CEP128: variants seen among roughly 807,000 people sequenced by gnomAD.
CEP128 encodes the protein centrosomal protein 128, also known as centrosomal protein 128kDa.
A neutral mutation model predicts 156.7 loss-of-function variants in CEP128; 132 were observed. The observed-to-expected ratio is 0.84, with a 90% CI of 0.73 to 0.97. The LOEUF (loss-of-function observed/expected upper bound fraction) is 0.97. CEP128 is among the 50% of genes least tolerant of loss of function. The pLI, the probability that CEP128 is intolerant of heterozygous loss-of-function variation, is 0.00. For synonymous variants in CEP128, 469 were observed against 448.9 expected, an observed-to-expected ratio of 1.04 and a Z score of -0.57; for missense variants, 1,252 against 1,281.9, an observed-to-expected ratio of 0.98 and a Z score of 0.36.
In CEP128 at chr14:80,952,257, T is replaced by C. The variant is rs193145383; in HGVS notation, c.-172+5921A>G. Among the ~76,000 whole-genome samples the C allele has an allele frequency of 1.5e-3, 230 of 152,200 alleles. 2 individuals carry two copies. Among genetic ancestry groups the C allele is most frequent in the Admixed American group, 5.1e-3 (78 of 15,300 alleles). On this transcript the variant is annotated intron_variant, in intron 2 of 7. Transcript: ENST00000555529. ...CATTTTACCAAGATTGACCATATTCTGAATCATAAAATGAGTCTCACTAAA... is the reference window on the plus strand; with the variant it reads ...CATTTTACCAAGATTGACCATATTCCGAATCATAAAATGAGTCTCACTAAA...
chr14:80,600,373 T>C (rs1892529721), intron 19 of CEP128, among the ~76,000 whole-genome samples: 1 of 152,018 alleles, frequency 6.6e-6, no homozygotes, highest in Non-Finnish European at 1.5e-5. Context: ...AAAGAGATAA[T>C]CTTGAAAGCA....
chr14:80,729,997 A>G (rs891428193), intron 19 of CEP128, among the ~76,000 whole-genome samples: 3 of 152,206 alleles, frequency 2.0e-5, no homozygotes, highest in African/African-American at 7.2e-5. Flanking sequence ...CAGAGGCCTC[A>G]CTGATGTGGA....
At chr14:80,601,733 T>C (rs1023985195) in intron 19 of CEP128, among the ~76,000 whole-genome samples, 1 of 152,076 alleles carries the variant, frequency 6.6e-6, no homozygotes, top group African/African-American at 2.4e-5. Flanking sequence ...TATCTAAACA[T>C]AGAGAAGATA....
downstream of CEP128, among the ~76,000 whole-genome samples, chr14:80,485,900 T>G (rs1332690654): frequency 6.6e-6 from 1 of 152,192 alleles, no homozygotes; most frequent in Non-Finnish European, 1.5e-5. Context: ...GTAGGCTGTT[T>G]TTAAAAGACA....
intron 16 of CEP128, among the ~76,000 whole-genome samples, chr14:80,767,658 A>G (rs1177561136): frequency 6.6e-6 from 1 of 152,140 alleles, no homozygotes; most frequent in Non-Finnish European, 1.5e-5. Context: ...ACAGTGAAAG[A>G]TTACCTGAGT....
At chr14:80,880,910 T>TAATAAG (rs1248604288) in intron 8 of CEP128, among the ~76,000 whole-genome samples, 2,966 of 142,246 alleles carry the variant, frequency 0.021, 130 homozygotes, top group African/African-American at 0.068. Flanking sequence ...ATAATAATAA[T>TAATAAG]TTCAGTAAAG....
intron 19 of CEP128, among the ~76,000 whole-genome samples, chr14:80,725,199 T>G (rs74881964): frequency 3.4e-5 from 5 of 148,100 alleles, no homozygotes; most frequent in African/African-American, 7.4e-5. Context: ...TTTTTTTTTT[T>G]GATACAGAGT....
intron 2 of CEP128, among the ~76,000 whole-genome samples, chr14:80,937,279 C>A (rs1885861334): frequency 6.6e-6 from 1 of 152,308 alleles, no homozygotes; most frequent in Non-Finnish European, 1.5e-5. Context: ...CAAGATAGCA[C>A]CACTGCACTT....
At chr14:80,597,977 C>T (rs1173445774) in intron 19 of CEP128, among the ~76,000 whole-genome samples, 3 of 118,534 alleles carry the variant, frequency 2.5e-5, no homozygotes, top group Admixed American at 1.7e-4. Flanking sequence ...AAAACAAAAC[C>T]CTATGGCTAG....
chr14:80,890,102 G>C (rs1469853320), intron 8 of CEP128, among the ~76,000 whole-genome samples: 3 of 152,172 alleles, frequency 2.0e-5, no homozygotes, highest in Non-Finnish European at 2.9e-5. Flanking sequence ...AGTTAGAATG[G>C]TGATCATTAA....
chr14:80,688,149 C>T (rs1425025948), intron 19 of CEP128, among the ~76,000 whole-genome samples: 2 of 152,064 alleles, frequency 1.3e-5, no homozygotes, highest in Admixed American at 6.5e-5. Context: ...CTATCCTCTA[C>T]CAAACTGCCT....
At chr14:80,529,735 C>T (rs1389430981) in intron 22 of CEP128, among the ~76,000 whole-genome samples, 6 of 152,128 alleles carry the variant, frequency 3.9e-5, no homozygotes, top group Admixed American at 2.0e-4. Flanking sequence ...GTTTTGGATA[C>T]TGGTTTCATA....
chr14:80,587,854 C>T (rs1423818533), intron 19 of CEP128, among the ~76,000 whole-genome samples: 1 of 151,998 alleles, frequency 6.6e-6, no homozygotes, highest in African/African-American at 2.4e-5. Context: ...CATTTTTCTC[C>T]CCACATGTAC....
At chr14:80,562,915 C>A (rs144439315) in intron 20 of CEP128, among the ~76,000 whole-genome samples, 2 of 151,872 alleles carry the variant, frequency 1.3e-5, no homozygotes, top group East Asian at 3.9e-4. Flanking sequence ...CCTCCTGCCT[C>A]GGCCTCCCCA....
Position 80,809,840 on chromosome 14 carries a change from G to A in CEP128, c.1210-16730C>T, listed in dbSNP as rs575976707. ...CCACTACACCACTATTGCAAGAAAT[G>A]CTCAAGGGAGTCTTAAACCTGAAAG... On this transcript the variant is annotated intron_variant, in intron 13 of 24. Transcript: ENST00000555265. Among the ~76,000 whole-genome samples, 6 of 152,070 alleles carry A rather than the reference G, an allele frequency of 3.9e-5. 1 individual carries two copies. The East Asian group carries it at 1.2e-3, about 29-fold the overall frequency.
At chr14:80,840,320 A>G (rs965749810) in intron 10 of CEP128, among the ~76,000 whole-genome samples, 1 of 152,190 alleles carries the variant, frequency 6.6e-6, no homozygotes, top group Non-Finnish European at 1.5e-5. Flanking sequence ...GCTGCTTACT[A>G]TATCTGTCCA....
upstream of CEP128, among the ~76,000 whole-genome samples, chr14:80,944,604 C>T (rs1421896531): frequency 4.6e-5 from 7 of 151,916 alleles, no homozygotes; most frequent in Admixed American, 2.6e-4. Flanking sequence ...AGGCGGATCA[C>T]GAGGTCAGGA....
At chr14:80,825,772 C>T (rs1885437723) in intron 13 of CEP128, among the ~76,000 whole-genome samples, 2 of 152,102 alleles carry the variant, frequency 1.3e-5, no homozygotes, top group African/African-American at 4.8e-5. Context: ...ACCAAGTCTT[C>T]TAATAGGTAT....
chr14:80,574,891 C>T (rs1891292364), intron 20 of CEP128, among the ~76,000 whole-genome samples: 1 of 151,942 alleles, frequency 6.6e-6, no homozygotes, highest in African/African-American at 2.4e-5. Context: ...GAAAATCGAA[C>T]CCTTCAACTG....
Sources: allele counts gnomAD v4.1 joint callset (sites outside exome capture counted in the v4.1 genomes callset), GRCh38; gene constraint gnomAD v4.1.1; transcripts MANE v1.5; gene names NCBI Gene and HGNC (gene_info 2026-07-23, HGNC 2026-07-21).